CASP9: variants seen among roughly 807,000 people sequenced by gnomAD.
CASP9 encodes caspase 9, also known as caspase-9.
CASP9 carries 29 observed loss-of-function variants against 43.5 expected under a neutral mutation model. The observed-to-expected ratio is 0.67, with a 90% CI of 0.50 to 0.91. CASP9 has a LOEUF of 0.91. CASP9 is among the 40% of genes least tolerant of loss of function. The probability of loss-of-function intolerance (pLI) is 0.00; values close to 1 mark genes in which losing one functional copy is unlikely to be tolerated. For missense variants in CASP9, 575 were observed against 537.4 expected (o/e 1.07, Z -0.69); for synonymous variants, 206 against 211.9 (o/e 0.97, Z 0.24).
At chr1:15,521,251 A>C (rs7528524) in intron 1 of CASP9, among the ~76,000 whole-genome samples, 84,867 of 146,434 alleles carry the variant, frequency 0.58, 25,271 homozygotes, top group African/African-American at 0.7. Context: ...GCCTGGGCGA[A>C]AAAGTGGGAC....
At chr1:15,494,109 C>T in intron 7 of CASP9, 108 bp from the exon 8 acceptor site, 2 of 1,363,794 alleles carry the variant, frequency 1.5e-6, no homozygotes, top group South Asian at 1.3e-5. Flanking sequence ...GACCTTGACT[C>T]ATACATACAT....
intron 1 of CASP9, among the ~76,000 whole-genome samples, chr1:15,518,738 A>C (rs1204718300): frequency 6.6e-6 from 1 of 152,238 alleles, no homozygotes; most frequent in Non-Finnish European, 1.5e-5. Context: ...GGATATCATG[A>C]AGTGAATAGC....
At chr1:15,495,143 T>C in intron 7 of CASP9, 130 bp downstream of exon 7, 1 of 846,206 alleles carries the variant, frequency 1.2e-6, no homozygotes, top group Non-Finnish European at 1.8e-6. Flanking sequence ...AGTAACTTGC[T>C]CAGGGTCACA....
chr1:15,513,160 C>CAAAA (rs377408698), intron 2 of CASP9, among the ~76,000 whole-genome samples: 2 of 63,760 alleles, frequency 3.1e-5, no homozygotes, highest in African/African-American at 8.6e-5. Context: ...GACTCCGTCT[C>CAAAA]AAAAAAAAAA....
At chr1:15,493,061 CTG>C (rs765455959) in intron 8 of CASP9, 26 bp from the exon 9 acceptor site, 9 of 1,613,310 alleles carry the variant, frequency 5.6e-6, no homozygotes, top group African/African-American at 1.3e-5. Flanking sequence ...ATGGAGAGCT[CTG>C]TGAGTTCAGT....
At chr1:15,497,090 A>T (rs1709128659) in intron 6 of CASP9, among the ~76,000 whole-genome samples, 1 of 151,946 alleles carries the variant, frequency 6.6e-6, no homozygotes, top group African/African-American at 2.4e-5. Context: ...CAGGCAGATC[A>T]CCTGAGGTCA....
chr1:15,524,076 T>A lies in CASP9; in HGVS notation c.125A>T (p.Asp42Val). Residue 42 changes from aspartate (D) to valine (V), a missense_variant, in exon 1 of 9, where the codon GAC becomes GTC. Coordinates refer to ENST00000333868, the MANE Select transcript of CASP9 (RefSeq NM_001229.5). ...AGGGGGCCGGGGGCGCACCTGGATG[T>A]CCTCGATCATATGGGGCCTGAACAG... Reference protein sequence around the residue: ...RELFRPHMIEDIQRAGSGSRR... With the variant: ...RELFRPHMIEVIQRAGSGSRR... 6.7e-7 allele frequency: 1 copy of A among 1,499,692 alleles called. No individual in the cohort carries two copies. The highest frequency in any genetic ancestry group is 8.9e-7 in the Non-Finnish European group (1 of 1,129,758). 92.9% of individuals were successfully genotyped at this position (1,499,692 alleles called of 1,614,324 possible). A position where few individuals can be genotyped will look rare whatever the true frequency, so the allele number is the denominator to read the frequency against.
Position 15,506,917 on chromosome 1 carries a change from C to T in CASP9, c.612G>A (p.Lys204=). ...FSSLHFMVEV[K]GDLTAKKMVL... ...AGTGTACCTTGGCAGTCAGGTCGCCCTTCACCTCCACCATGAAATGCAGCG... is the reference window on the plus strand; with the variant it reads ...AGTGTACCTTGGCAGTCAGGTCGCCTTTCACCTCCACCATGAAATGCAGCG... The change falls in exon 4 of 9, where the codon AAG becomes AAA. Residue 204 remains lysine, a synonymous_variant. Coordinates refer to ENST00000333868, the MANE Select transcript of CASP9 (RefSeq NM_001229.5). 1 of 1,613,992 alleles carries T rather than the reference C, an allele frequency of 6.2e-7. No individual in the cohort carries two copies. Among genetic ancestry groups the T allele is most frequent in the Non-Finnish European group, 8.5e-7 (1 of 1,179,902 alleles).
intron 2 of CASP9, among the ~76,000 whole-genome samples, chr1:15,517,440 A>C (rs889043053): frequency 6.6e-6 from 1 of 152,142 alleles, no homozygotes; most frequent in African/African-American, 2.4e-5. Context: ...GAAGAAATGG[A>C]AAGAGAGTCA....
At chr1:15,513,339 C>T (rs1709836730) in intron 2 of CASP9, among the ~76,000 whole-genome samples, 1 of 152,072 alleles carries the variant, frequency 6.6e-6, no homozygotes, top group African/African-American at 2.4e-5. Context: ...GGTTCTCTTT[C>T]TCTGGAGAAT....
intron 1 of CASP9, among the ~76,000 whole-genome samples, chr1:15,522,899 C>T (rs897234176): frequency 1.4e-4 from 22 of 152,216 alleles, no homozygotes; most frequent in African/African-American, 5.3e-4. Context: ...CATTACTGTT[C>T]CCCAGTAGGG....
intron 6 of CASP9, among the ~76,000 whole-genome samples, chr1:15,498,838 C>A (rs1028018252): frequency 6.8e-6 from 1 of 148,142 alleles, no homozygotes; most frequent in African/African-American, 2.5e-5. Flanking sequence ...GCTTCGCCTC[C>A]TGGGTTCAAG....
intron 8 of CASP9, chr1:15,493,678 G>A: frequency 1.4e-6 from 2 of 1,454,620 alleles, no homozygotes; most frequent in Non-Finnish European, 1.8e-6. Flanking sequence ...AGACAGGGAA[G>A]GCAACTCTTT....
intron 1 of CASP9, among the ~76,000 whole-genome samples, chr1:15,521,342 T>C (rs921008077): frequency 2.0e-5 from 3 of 151,806 alleles, no homozygotes; most frequent in African/African-American, 7.3e-5. Context: ...CACCAGCTTC[T>C]TGTGGGAGGC....
chr1:15,497,628 C>A (rs1033171191), intron 6 of CASP9, among the ~76,000 whole-genome samples: 3 of 142,706 alleles, frequency 2.1e-5, no homozygotes, highest in African/African-American at 8.0e-5. Flanking sequence ...GACAACAGAG[C>A]GAGACTCTGT....
intron 1 of CASP9, among the ~76,000 whole-genome samples, 199 bp from the exon 2 acceptor site, chr1:15,518,594 A>C (rs2103375599): frequency 6.6e-6 from 1 of 152,352 alleles, no homozygotes; most frequent in Middle Eastern, 3.4e-3. Flanking sequence ...GCCCAGCACT[A>C]TGCTAAGTGC....
upstream of CASP9, chr1:15,524,374 C>G (rs1232753959): frequency 4.4e-6 from 6 of 1,378,330 alleles, no homozygotes; most frequent in East Asian, 9.2e-5. Context: ...GCCCCGCCCC[C>G]AGGAGTCGCT....
chr1:15,497,686 T>G (rs1208168076), intron 6 of CASP9, among the ~76,000 whole-genome samples: 1 of 151,882 alleles, frequency 6.6e-6, no homozygotes, highest in African/African-American at 2.4e-5. Flanking sequence ...ATATATCCTA[T>G]GTTCATGGAT....
intron 2 of CASP9, among the ~76,000 whole-genome samples, chr1:15,512,795 A>AGCT (rs1709808171): frequency 6.6e-6 from 1 of 152,210 alleles, no homozygotes; most frequent in Admixed American, 6.5e-5. Context: ...ACTGTGACAC[A>AGCT]GCTGCTAAGT....
Sources: gnomAD v4.1 joint callset for allele counts (sites outside exome capture counted in the v4.1 genomes callset) on GRCh38, gnomAD v4.1.1 for gene constraint, MANE v1.5 for transcripts, NCBI Gene and HGNC (gene_info 2026-07-23, HGNC 2026-07-21) for gene names.